Variants in C13orf42 observed in about 807,000 individuals in gnomAD.
The protein encoded by C13orf42 is uncharacterized protein C13orf42.
At chr13:51,103,529 C>T (rs1450550744) in intron 1 of C13orf42, among the ~76,000 whole-genome samples, 1 of 152,010 alleles carries the variant, frequency 6.6e-6, no homozygotes, top group Non-Finnish European at 1.5e-5. Context: ...AGTGAAACCC[C>T]GTCTCTACTA....
chr13:51,161,927 T>A, intron 1 of C13orf42: 2 of 493,478 alleles, frequency 4.1e-6, no homozygotes, highest in Non-Finnish European at 8.0e-6. Flanking sequence ...GGCACCTGGC[T>A]GACCATCAGT....
At chr13:51,120,631 C>G (rs2138013342) in intron 1 of C13orf42, among the ~76,000 whole-genome samples, 1 of 152,260 alleles carries the variant, frequency 6.6e-6, no homozygotes, top group Admixed American at 6.5e-5. Flanking sequence ...GAAAAGGCAC[C>G]AGATGTGGAG....
intron 1 of C13orf42, among the ~76,000 whole-genome samples, chr13:51,165,962 C>A (rs891996131): frequency 2.5e-4 from 38 of 152,266 alleles, no homozygotes; most frequent in African/African-American, 8.9e-4. Context: ...AGGCTCAGGG[C>A]CAGATGTTTT....
intron 1 of C13orf42, among the ~76,000 whole-genome samples, chr13:51,125,235 G>A (rs1178888112): frequency 1.3e-5 from 2 of 152,332 alleles, no homozygotes; most frequent in Admixed American, 1.3e-4. Flanking sequence ...TTTGCAGGAA[G>A]ATTGGCAAAC....
rs1221458814 is a variant in C13orf42, at chr13:51,084,381, G to A, written c.804-56C>T. On this transcript the variant is annotated intron_variant, in intron 3 of 3. Transcript: ENST00000563710. ...AGTTCGGCTTGGCCGGCCACACAGA[G>A]GGAAGGGATGCTCAATGACCACCAT... is the stretch of plus-strand genomic sequence containing the variant. 67 of 398,280 alleles carry A rather than the reference G, an allele frequency of 1.7e-4. No individual in the cohort carries two copies. In the East Asian group the frequency reaches 2.4e-3, roughly 14 times the overall value. The allele number at this position is 398,280 out of a possible 1,614,324, so 24.7% of individuals were successfully genotyped here. A position where few individuals can be genotyped will look rare whatever the true frequency, so the allele number is the denominator to read the frequency against.
intron 1 of C13orf42, among the ~76,000 whole-genome samples, chr13:51,166,946 G>T (rs1212079347): frequency 1.3e-5 from 2 of 152,140 alleles, no homozygotes; most frequent in Non-Finnish European, 2.9e-5. Flanking sequence ...ATGTGTGGTG[G>T]TGCGCACCTA....
chr13:51,135,468 C>T (rs561410734), intron 1 of C13orf42, among the ~76,000 whole-genome samples: 86 of 151,888 alleles, frequency 5.7e-4, no homozygotes, highest in Middle Eastern at 3.4e-3. Context: ...CTGGGCAACA[C>T]AGAGAGATCC....
chr13:51,100,952 T>C (rs919049486), intron 1 of C13orf42, among the ~76,000 whole-genome samples: 1 of 152,174 alleles, frequency 6.6e-6, no homozygotes, highest in African/African-American at 2.4e-5. Context: ...GTTAATGAGA[T>C]GGAAAAGAAC....
At chr13:51,167,107 C>A (rs1953908788) in intron 1 of C13orf42, among the ~76,000 whole-genome samples, 1 of 151,536 alleles carries the variant, frequency 6.6e-6, no homozygotes, top group Non-Finnish European at 1.5e-5. Context: ...CAAAAACCAA[C>A]AAATATGAAA....
At chr13:51,149,000 G>A (rs1953758445) in intron 1 of C13orf42, among the ~76,000 whole-genome samples, 1 of 152,124 alleles carries the variant, frequency 6.6e-6, no homozygotes, top group African/African-American at 2.4e-5. Flanking sequence ...GCATCTTTCT[G>A]ACTGCCCACC....
At chr13:51,163,202 CA>C (rs1953879782) in intron 1 of C13orf42, among the ~76,000 whole-genome samples, 1 of 152,196 alleles carries the variant, frequency 6.6e-6, no homozygotes, top group Non-Finnish European at 1.5e-5. Flanking sequence ...GGTCTAACCT[CA>C]AAGAACATTT....
At chr13:51,150,008 T>A (rs1294464709) in intron 1 of C13orf42, among the ~76,000 whole-genome samples, 2 of 152,252 alleles carry the variant, frequency 1.3e-5, no homozygotes, top group African/African-American at 2.4e-5. Context: ...AATGAAATAT[T>A]TGACGAATAA....
At chr13:51,119,643 A>C (rs1398944339) in intron 1 of C13orf42, among the ~76,000 whole-genome samples, 1 of 152,208 alleles carries the variant, frequency 6.6e-6, no homozygotes, top group Non-Finnish European at 1.5e-5. Context: ...GACGTGAAAT[A>C]AGACAGACAC....
intron 1 of C13orf42, among the ~76,000 whole-genome samples, chr13:51,134,845 T>C (rs888966112): frequency 3.9e-5 from 6 of 152,376 alleles, no homozygotes; most frequent in South Asian, 4.1e-4. Flanking sequence ...ACAAGTCTGA[T>C]GGCCTCAGAG....
intron 1 of C13orf42, among the ~76,000 whole-genome samples, chr13:51,097,764 T>C (rs764029561): frequency 7.9e-5 from 12 of 151,880 alleles, no homozygotes; most frequent in African/African-American, 2.4e-5. Context: ...TTTTTTTTCC[T>C]AGCCCAGACC....
At chr13:51,164,785 G>A (rs1385860208) in intron 1 of C13orf42, among the ~76,000 whole-genome samples, 1 of 152,348 alleles carries the variant, frequency 6.6e-6, no homozygotes, top group East Asian at 1.9e-4. Context: ...GACATGAGGG[G>A]AAAAGATGGA....
Position 51,130,786 on chromosome 13 carries a change from T to C in C13orf42, n.137-17564A>G, listed in dbSNP as rs1593545556. 2.0e-5 allele frequency among the ~76,000 whole-genome samples: 3 copies of C among 152,018 alleles called. No homozygotes were observed. In the East Asian group the frequency reaches 5.8e-4, roughly 29 times the overall value. On this transcript the variant is annotated intron_variant and non_coding_transcript_variant, in intron 1 of 4. Transcript: ENST00000433280. ...CACTAAGAGTTAACATTGTAACATATAGTTAAGACTACTAAAGAAACAGTT... is the reference window on the plus strand; with the variant it reads ...CACTAAGAGTTAACATTGTAACATACAGTTAAGACTACTAAAGAAACAGTT...
intron 3 of C13orf42, among the ~76,000 whole-genome samples, chr13:51,084,662 G>A (rs60618593): frequency 0.014 from 2,066 of 152,372 alleles, 54 homozygotes; most frequent in African/African-American, 0.046. Context: ...GAAGACAGCT[G>A]ATGAGGCTTG....
chr13:51,143,802 A>G lies in C13orf42; in HGVS notation n.136+28451T>C, dbSNP rs1045670917. 2.6e-5 allele frequency among the ~76,000 whole-genome samples: 4 copies of G among 152,204 alleles called. No homozygotes were observed. In the East Asian group the frequency reaches 7.7e-4, roughly 29 times the overall value. On this transcript the variant is annotated intron_variant and non_coding_transcript_variant, in intron 1 of 4. Coordinates refer to the C13orf42 transcript ENST00000433280. ...AGGTTCGCTAAAGTTCAAAAATGACATAATGTGGCTTATTTGGTATAAAAA... is the reference window on the plus strand; with the variant it reads ...AGGTTCGCTAAAGTTCAAAAATGACGTAATGTGGCTTATTTGGTATAAAAA...
Sources: gnomAD v4.1 joint callset for allele counts (sites outside exome capture counted in the v4.1 genomes callset) on GRCh38, gnomAD v4.1.1 for gene constraint, MANE v1.5 for transcripts, NCBI Gene and HGNC (gene_info 2026-07-23, HGNC 2026-07-21) for gene names.